ADRA1D: variants seen among roughly 807,000 people sequenced by gnomAD.
The protein encoded by ADRA1D is adrenoceptor alpha 1D.
Under a neutral mutation model 18.6 loss-of-function variants are expected in ADRA1D, and 22 were observed. The observed-to-expected ratio is 1.19, with a 90% CI of 0.85 to 1.69. ADRA1D has a LOEUF of 1.69. ADRA1D is among the 40% of genes most tolerant of loss of function. The pLI, the probability that ADRA1D is intolerant of heterozygous loss-of-function variation, is 0.00. For missense variants in ADRA1D, 840 were observed against 840.7 expected, an observed-to-expected ratio of 1.00 and a Z score of 0.01; for synonymous variants, 376 against 388.2, an observed-to-expected ratio of 0.97 and a Z score of 0.37.
At position 4,248,320 on chromosome 20, in the gene ADRA1D, G is replaced by A. The variant is rs1390245080; in HGVS notation, c.638C>T (p.Ala213Val). 1.2e-6 allele frequency: 2 copies of A among 1,605,778 alleles called. No homozygotes were observed. Among genetic ancestry groups the A allele is most frequent in the Non-Finnish European group, 1.7e-6 (2 of 1,176,388 alleles). ...CCAGAGCAGGGCCAGGATGGCGGCCGCCTTGCGCTCGGTCATGATGGCTGG... is the reference window on the plus strand; with the variant it reads ...CCAGAGCAGGGCCAGGATGGCGGCCACCTTGCGCTCGGTCATGATGGCTGG... Reference protein sequence around the residue: ...KYPAIMTERKAAAILALLWVV... With the variant: ...KYPAIMTERKVAAILALLWVV... The change falls in exon 1 of 2, where the codon GCG becomes GTG. Residue 213 changes from alanine to valine, a missense_variant. Ala to Val is a moderately conservative substitution (Grantham distance 64). Coordinates refer to ENST00000379453, the MANE Select transcript of ADRA1D (RefSeq NM_000678.4).
In ADRA1D at chr20:4,221,508, C is replaced by A; in HGVS notation, c.*15G>T. ...CCCCAAGCCCAGCACACTCCGCGGC[C>A]TAGCTCTGGGGTCCTTAAATATCGG... On this transcript the variant is annotated 3_prime_UTR_variant, in exon 2 of 2. Coordinates refer to ENST00000379453, the MANE Select transcript of ADRA1D (RefSeq NM_000678.4). The A allele has an allele frequency of 1.3e-6, 2 of 1,593,484 alleles. No homozygotes were observed. The highest frequency in any genetic ancestry group is 1.7e-6 in the Non-Finnish European group (2 of 1,164,768).
rs1413332627 is a variant in ADRA1D, at chr20:4,239,729, A to G, written c.1111+8118T>C. On this transcript the variant is annotated intron_variant, in intron 1 of 1. Coordinates refer to ENST00000379453, the MANE Select transcript of ADRA1D (RefSeq NM_000678.4). This position sits in a 1 kb window ranked among gnomAD's most constrained non-coding sequence, Gnocchi z 4.9. ...GATGTCTAAAAATAATGACATTACC[A>G]TGGTACTCAAACAGCCTCAGTGGTC... Among the ~76,000 whole-genome samples, 1 of 152,236 alleles carries G rather than the reference A, an allele frequency of 6.6e-6. No individual in the cohort carries two copies. Among genetic ancestry groups the G allele is most frequent in the East Asian group, 1.9e-4 (1 of 5,202 alleles).
intron 1 of ADRA1D, among the ~76,000 whole-genome samples, chr20:4,224,317 A>T (rs1980741328): frequency 6.6e-6 from 1 of 152,134 alleles, no homozygotes; most frequent in South Asian, 2.1e-4. Context: ...GATGGCTTTG[A>T]AAAAGGAGAG....
intron 1 of ADRA1D, among the ~76,000 whole-genome samples, chr20:4,241,756 C>A (rs150078289): frequency 1.4e-3 from 212 of 152,310 alleles, no homozygotes; most frequent in African/African-American, 4.6e-3. Context: ...TCCTTTAGCA[C>A]CTGGCCGACT....
Position 4,236,081 on chromosome 20 carries a change from G to A in ADRA1D, c.1111+11766C>T, listed in dbSNP as rs80313609. Among the ~76,000 whole-genome samples, 130 of 152,302 alleles carry A rather than the reference G, an allele frequency of 8.5e-4. No individual in the cohort carries two copies. In the East Asian group the frequency reaches 0.021, roughly 25 times the overall value. ...GGTGGGATGGAAAGCTGAAAACATG[G>A]CTTCCAACTATGGCCCTTAACCCTG... is the stretch of plus-strand genomic sequence containing the variant. On this transcript the variant is annotated intron_variant, in intron 1 of 1. Transcript: ENST00000379453.
chr20:4,237,668 T>C (rs1981125720), intron 1 of ADRA1D, among the ~76,000 whole-genome samples: 1 of 149,576 alleles, frequency 6.7e-6, no homozygotes, highest in African/African-American at 2.5e-5. Context: ...TTTTTTTTTT[T>C]TTTTTTTTGA....
In ADRA1D at chr20:4,222,800, G is replaced by A. The variant is rs940607262; in HGVS notation, c.1112-670C>T. ...AAAATTTTGTACATATGGAACCCGC[G>A]CTACCTATATATAAACAGTAGATTA... On this transcript the variant is annotated intron_variant, in intron 1 of 1. Coordinates refer to ENST00000379453, the MANE Select transcript of ADRA1D (RefSeq NM_000678.4). The surrounding 1 kb of genome is among the most constrained non-coding windows in gnomAD (Gnocchi z 4.3). Among the ~76,000 whole-genome samples the A allele has an allele frequency of 1.4e-4, 21 of 152,130 alleles. No individual in the cohort carries two copies. Among genetic ancestry groups the A allele is most frequent in the South Asian group, 2.1e-4 (1 of 4,816 alleles).
chr20:4,235,687 C>A (rs968267695), intron 1 of ADRA1D, among the ~76,000 whole-genome samples: 1 of 152,262 alleles, frequency 6.6e-6, no homozygotes, highest in Non-Finnish European at 1.5e-5. Context: ...AGTGACCATG[C>A]TGTCCGGGAG....
intron 1 of ADRA1D, among the ~76,000 whole-genome samples, chr20:4,232,685 G>T (rs1980998232): frequency 6.6e-6 from 1 of 152,342 alleles, no homozygotes; most frequent in East Asian, 1.9e-4. Context: ...GCCCTGCCCA[G>T]GGGTCCCCAG....
At chr20:4,226,181 G>A (rs1207542028) in intron 1 of ADRA1D, among the ~76,000 whole-genome samples, 3 of 152,252 alleles carry the variant, frequency 2.0e-5, no homozygotes, top group East Asian at 3.8e-4. Context: ...GCCAGGTCAT[G>A]TTGTAAACAT....
chr20:4,248,073 C>T lies in ADRA1D; in HGVS notation c.885G>A (p.Glu295=), dbSNP rs1276166024. ...TRSLEAGVKR[E]RGKASEVVLR... ...GCACCACCTCGGAGGCCTTGCCTCGCTCGCGCTTGACGCCCGCCTCGAGGC... is the reference window on the plus strand; with the variant it reads ...GCACCACCTCGGAGGCCTTGCCTCGTTCGCGCTTGACGCCCGCCTCGAGGC... The change falls in exon 1 of 2, where the codon GAG becomes GAA. Residue 295 remains glutamate, a synonymous_variant. Coordinates refer to ENST00000379453, the MANE Select transcript of ADRA1D (RefSeq NM_000678.4). 1.4e-5 allele frequency: 21 copies of T among 1,550,930 alleles called. No homozygotes were observed. Among genetic ancestry groups the T allele is most frequent in the Non-Finnish European group, 1.8e-5 (21 of 1,147,618 alleles).
intron 1 of ADRA1D, among the ~76,000 whole-genome samples, chr20:4,233,988 C>T (rs376598516): frequency 3.9e-5 from 6 of 152,154 alleles, no homozygotes; most frequent in East Asian, 1.9e-4. Context: ...TTGGGGTGCC[C>T]GTGTCAGGAG....
At chr20:4,224,709 AG>A (rs1325078358) in intron 1 of ADRA1D, among the ~76,000 whole-genome samples, 1 of 139,436 alleles carries the variant, frequency 7.2e-6, no homozygotes, top group Non-Finnish European at 1.6e-5. Context: ...CAAGCAGGCC[AG>A]GGGTAGGGGG....
At chr20:4,243,558 G>A (rs896714762) in intron 1 of ADRA1D, among the ~76,000 whole-genome samples, 7 of 152,194 alleles carry the variant, frequency 4.6e-5, no homozygotes, top group Admixed American at 6.5e-5. Context: ...TGACTGAAAG[G>A]GGAGCACTAC....
intron 1 of ADRA1D, among the ~76,000 whole-genome samples, chr20:4,224,855 C>A (rs1226692210): frequency 6.6e-6 from 1 of 152,036 alleles, no homozygotes; most frequent in African/African-American, 2.4e-5. Context: ...TTGCTTATCA[C>A]CCCTCCTCCC....
Position 4,224,758 on chromosome 20 carries a change from T to A in ADRA1D, c.1112-2628A>T, listed in dbSNP as rs1020016551. Among the ~76,000 whole-genome samples, 3 of 107,468 alleles carry A rather than the reference T, an allele frequency of 2.8e-5. 1 individual carries two copies. The highest frequency in any genetic ancestry group is 1.1e-4 in the African/African-American group (3 of 28,400). 70.5% of individuals were successfully genotyped at this position (107,468 alleles called of 152,430 possible). A position where few individuals can be genotyped will look rare whatever the true frequency, so the allele number is the denominator to read the frequency against. ...AATTATGGGACCTTCTCTCTCTTCCTCTTGCCTTCAAAAAAAAAAGAGCAG... is the reference window on the plus strand; with the variant it reads ...AATTATGGGACCTTCTCTCTCTTCCACTTGCCTTCAAAAAAAAAAGAGCAG... On this transcript the variant is annotated intron_variant, in intron 1 of 1. Transcript: ENST00000379453.
chr20:4,248,140 A>C lies in ADRA1D; in HGVS notation c.818T>G (p.Met273Arg). ...CGCGACCACGTACACGCGGCAGTAC[A>C]TGACCACGATGACCGCCATGGGCAG... ...FYLPMAVIVV[M>R]YCRVYVVARS... is the part of the protein sequence containing the mutation. The change falls in exon 1 of 2, where the codon ATG (methionine) becomes AGG (arginine). Residue 273 changes from methionine to arginine, a missense_variant. Met to Arg is a moderately conservative substitution (Grantham distance 91, BLOSUM62 -1). Coordinates refer to ENST00000379453, the MANE Select transcript of ADRA1D (RefSeq NM_000678.4). 6.4e-7 allele frequency: 1 copy of C among 1,574,148 alleles called. No homozygotes were observed. Among genetic ancestry groups the C allele is most frequent in the Non-Finnish European group, 8.6e-7 (1 of 1,159,788 alleles).
At chr20:4,244,337 CTGGG>C (rs1981283785) in intron 1 of ADRA1D, among the ~76,000 whole-genome samples, 1 of 152,190 alleles carries the variant, frequency 6.6e-6, no homozygotes, top group Non-Finnish European at 1.5e-5. Flanking sequence ...TGACCAGGAC[CTGGG>C]AGGAGGCAGG....
At position 4,222,359 on chromosome 20, in the gene ADRA1D, CAACA is replaced by C. The variant is rs1386810696; in HGVS notation, c.1112-233_1112-230del. Reference sequence around the variant, plus strand: ...GAGGATTACCTTCAATGAATGTAGGCAACAAACCAGAGTAGAGTTAGACAAAACC... The same window carrying C: ...GAGGATTACCTTCAATGAATGTAGGCAACCAGAGTAGAGTTAGACAAAACC... On this transcript the variant is annotated intron_variant, in intron 1 of 1. Transcript: ENST00000379453. This position sits in a 1 kb window ranked among gnomAD's most constrained non-coding sequence, Gnocchi z 4.3. 2 of 514,480 alleles carry C rather than the reference CAACA, an allele frequency of 3.9e-6. No individual in the cohort carries two copies. The highest frequency in any genetic ancestry group is 4.0e-5 in the African/African-American group (2 of 49,902). The allele number at this position is 514,480 out of a possible 1,614,324, so 31.9% of individuals were successfully genotyped here.
Sources: gnomAD v4.1 joint callset for allele counts (sites outside exome capture counted in the v4.1 genomes callset) on GRCh38, gnomAD v4.1.1 for gene constraint, Gnocchi (gnomAD v3.1) non-coding constraint, MANE v1.5 for transcripts, NCBI Gene and HGNC (gene_info 2026-07-23, HGNC 2026-07-21) for gene names.